Variants in TEC observed in about 807,000 individuals in gnomAD.
TEC encodes tyrosine-protein kinase Tec.
Under a neutral mutation model 93.0 loss-of-function variants are expected in TEC, and 72 were observed. The ratio of observed to expected loss-of-function variants is 0.77; its 90% CI spans 0.64 to 0.94. The LOEUF is 0.94. Among genes scored for constraint, TEC ranks in the 40% least tolerant of loss-of-function variants. The pLI, the probability that TEC is intolerant of heterozygous loss-of-function variation, is 0.00. For synonymous variants in TEC, 249 were observed against 247.7 expected (o/e 1.01, Z -0.05); for missense variants, 630 against 757.9 (o/e 0.83, Z 1.98).
intron 2 of TEC, among the ~76,000 whole-genome samples, chr4:48,191,808 G>C (rs115203014): frequency 0.036 from 5,527 of 152,104 alleles, 340 homozygotes; most frequent in African/African-American, 0.13. Context: ...CAGGTGTGGT[G>C]GTGTGCACCT....
chr4:48,226,876 A>T (rs1723483816), intron 2 of TEC, among the ~76,000 whole-genome samples: 2 of 152,238 alleles, frequency 1.3e-5, no homozygotes, highest in African/African-American at 4.8e-5. Context: ...TAGGTTTCAA[A>T]ATAATTCACA....
chr4:48,206,350 C>T (rs1477128298), intron 2 of TEC, among the ~76,000 whole-genome samples: 3 of 151,026 alleles, frequency 2.0e-5, no homozygotes, highest in Non-Finnish European at 4.4e-5. Context: ...TATTTTTCCA[C>T]AATAAGAAAA....
intron 2 of TEC, among the ~76,000 whole-genome samples, chr4:48,202,292 G>T (rs1264822018): frequency 6.6e-6 from 1 of 152,186 alleles, no homozygotes; most frequent in African/African-American, 2.4e-5. Context: ...TAGGCCCAGT[G>T]CAGTGGCCCA....
intron 11 of TEC, among the ~76,000 whole-genome samples, chr4:48,148,888 T>C (rs1315043214): frequency 6.6e-6 from 1 of 151,978 alleles, no homozygotes; most frequent in African/African-American, 2.4e-5. Context: ...TGTATTCCTA[T>C]TATTTAGCTT....
At chr4:48,192,618 T>G (rs962101302) in intron 2 of TEC, among the ~76,000 whole-genome samples, 2 of 152,040 alleles carry the variant, frequency 1.3e-5, no homozygotes, top group African/African-American at 2.4e-5. Flanking sequence ...TTCTAAATCA[T>G]AAGCTTAAAA....
chr4:48,232,158 G>A (rs1282666099), intron 1 of TEC, among the ~76,000 whole-genome samples: 10 of 151,888 alleles, frequency 6.6e-5, no homozygotes, highest in South Asian at 4.2e-4. Flanking sequence ...GTGAGGTGGC[G>A]GGTGCCTGTA....
rs1723327514 is a variant in TEC at position 48,223,332 on chromosome 4, T to C, written c.138+5145A>G. Among the ~76,000 whole-genome samples the C allele has an allele frequency of 3.3e-5, 5 of 152,294 alleles. No homozygotes were observed. In the South Asian group the frequency reaches 1.0e-3, roughly 32 times the overall value. ...CATGAAACTTTTAAAATGTTATCTG[T>C]ATTATGGGGTGCTAACTTTAAGATG... On this transcript the variant is annotated intron_variant, in intron 2 of 17. Transcript: ENST00000381501.
chr4:48,229,345 C>T (rs1261021643), intron 1 of TEC, among the ~76,000 whole-genome samples: 2 of 152,230 alleles, frequency 1.3e-5, no homozygotes, highest in Non-Finnish European at 2.9e-5. Context: ...TAACTCCAGA[C>T]TATTCATACC....
intron 14 of TEC, among the ~76,000 whole-genome samples, chr4:48,143,312 G>A (rs867270733): frequency 2.0e-5 from 3 of 152,278 alleles, no homozygotes; most frequent in African/African-American, 4.8e-5. Flanking sequence ...TGTAAGAATC[G>A]TTTTTGCCAA....
At chr4:48,214,681 A>T (rs1375919311) in intron 2 of TEC, among the ~76,000 whole-genome samples, 1 of 151,842 alleles carries the variant, frequency 6.6e-6, no homozygotes, top group Admixed American at 6.6e-5. Context: ...GCAAAACCCC[A>T]TCTCTACTAA....
chr4:48,184,810 A>T (rs556283966), intron 2 of TEC, among the ~76,000 whole-genome samples: 76 of 121,826 alleles, frequency 6.2e-4, no homozygotes, highest in African/African-American at 2.2e-3. Flanking sequence ...CACACACATT[A>T]AATATTATTG....
intron 5 of TEC, among the ~76,000 whole-genome samples, chr4:48,169,734 G>A (rs1325697080): frequency 6.6e-6 from 1 of 152,142 alleles, no homozygotes; most frequent in African/African-American, 2.4e-5. Context: ...TCATTCCCAG[G>A]ATTTATAAAG....
In TEC at chr4:48,265,400, T is replaced by C. The variant is rs192321028; in HGVS notation, c.-46+4352A>G. Among the ~76,000 whole-genome samples, 124 of 149,064 alleles carry C rather than the reference T, an allele frequency of 8.3e-4. 1 individual carries two copies. In the East Asian group the frequency reaches 0.022, roughly 27 times the overall value. The stretch of plus-strand genomic sequence containing the variant: ...ATATATATATATATGTGTGTGTATA[T>C]GTATATATATACACACACATATATA... On this transcript the variant is annotated intron_variant, in intron 1 of 17. Coordinates refer to ENST00000381501, the MANE Select transcript of TEC (RefSeq NM_003215.3).
intron 2 of TEC, among the ~76,000 whole-genome samples, chr4:48,181,489 A>C (rs1721581285): frequency 6.6e-6 from 1 of 151,988 alleles, no homozygotes; most frequent in Admixed American, 6.6e-5. Flanking sequence ...CCTGGCCAAC[A>C]TGGTGAAACC....
chr4:48,226,249 T>G (rs2704421), intron 2 of TEC, among the ~76,000 whole-genome samples: 1 of 151,992 alleles, frequency 6.6e-6, no homozygotes, highest in Non-Finnish European at 1.5e-5. Flanking sequence ...GTAAAAAAAT[T>G]GCATTTTACC....
At position 48,139,642 on chromosome 4, in the gene TEC, C is replaced by G. The variant is rs558148369; in HGVS notation, c.1536-620G>C. 2.8e-4 allele frequency among the ~76,000 whole-genome samples: 43 copies of G among 152,328 alleles called. No homozygotes were observed. In the South Asian group the frequency reaches 8.3e-3, roughly 29 times the overall value. ...TTCTATGTGAACATACAATGTCCTT[C>G]TGGAAGAACATACAAAAACTGGTAA... On this transcript the variant is annotated intron_variant, in intron 15 of 17. Transcript: ENST00000381501.
rs1720081674 is a variant in TEC, at chr4:48,149,809, CA to C, written c.873-120del. ...CATATGATCCCATCTATTCCTGGCA[CA>C]AATTTTACTTTCCCCTTGTTCTTCT... On this transcript the variant is annotated intron_variant, in intron 10 of 17. Coordinates refer to ENST00000381501, the MANE Select transcript of TEC (RefSeq NM_003215.3). The C allele has an allele frequency of 4.2e-6, 4 of 960,866 alleles. No individual in the cohort carries two copies. In the South Asian group the frequency reaches 1.1e-4, roughly 27 times the overall value. 59.5% of individuals were successfully genotyped at this position (960,866 alleles called of 1,614,324 possible).
chr4:48,253,000 T>C (rs1411658306), intron 1 of TEC, among the ~76,000 whole-genome samples: 1 of 152,206 alleles, frequency 6.6e-6, no homozygotes, highest in Non-Finnish European at 1.5e-5. Flanking sequence ...TCTCAGGGGC[T>C]TTAATAGGTG....
chr4:48,248,631 G>T (rs1428838815), intron 1 of TEC, among the ~76,000 whole-genome samples: 1 of 152,188 alleles, frequency 6.6e-6, no homozygotes, highest in Non-Finnish European at 1.5e-5. Flanking sequence ...AAAGTATCTG[G>T]CATGGGCCTA....
Sources: allele counts gnomAD v4.1 joint callset (sites outside exome capture counted in the v4.1 genomes callset), GRCh38; gene constraint gnomAD v4.1.1; transcripts MANE v1.5; gene names NCBI Gene and HGNC (gene_info 2026-07-23, HGNC 2026-07-21).